CAMKMT: variants seen among roughly 807,000 people sequenced by gnomAD.
CAMKMT encodes calmodulin-lysine N-methyltransferase.
CAMKMT carries 53 observed loss-of-function variants against 48.0 expected under a neutral mutation model. That is an observed-to-expected ratio of 1.10 (90% CI 0.89 to 1.39). The LOEUF (loss-of-function observed/expected upper bound fraction) is 1.39, where lower values mean the gene tolerates loss of function less well. Among genes scored for constraint, CAMKMT ranks in the 40% most tolerant of loss-of-function variants. The pLI is 0.00. For synonymous variants in CAMKMT, 165 were observed against 152.3 expected (o/e 1.08, Z -0.61); for missense variants, 428 against 402.7 (o/e 1.06, Z -0.54).
chr2:44,745,249 A>G (rs1387827273), intron 8 of CAMKMT, among the ~76,000 whole-genome samples: 1 of 152,162 alleles, frequency 6.6e-6, no homozygotes, highest in Admixed American at 6.6e-5. Flanking sequence ...GGAGATTTAG[A>G]GTTAAATTTG....
chr2:44,390,670 C>T (rs933965879), intron 3 of CAMKMT, among the ~76,000 whole-genome samples: 8 of 152,162 alleles, frequency 5.3e-5, no homozygotes, highest in Non-Finnish European at 1.2e-4. Flanking sequence ...TTTCTTCCTT[C>T]TTTGCTTTGT....
In CAMKMT at chr2:44,756,785, C is replaced by A. The variant is rs137870535; in HGVS notation, c.762+2667C>A. Among the ~76,000 whole-genome samples the A allele has an allele frequency of 1.1e-3, 165 of 150,750 alleles. 1 individual carries two copies. The highest frequency in any genetic ancestry group is 3.9e-3 in the African/African-American group (159 of 41,122). On this transcript the variant is annotated intron_variant, in intron 9 of 10. Coordinates refer to ENST00000378494, the MANE Select transcript of CAMKMT (RefSeq NM_024766.5). ...AAAGAAAAAGAAGCCCACAAAGAAACAACACAGGGGCTACATGGTGGATCC... is the reference window on the plus strand; with the variant it reads ...AAAGAAAAAGAAGCCCACAAAGAAAAAACACAGGGGCTACATGGTGGATCC...
At chr2:44,488,980 C>T (rs866677667) in intron 3 of CAMKMT, among the ~76,000 whole-genome samples, 42 of 151,760 alleles carry the variant, frequency 2.8e-4, no homozygotes, top group African/African-American at 8.5e-4. Flanking sequence ...ATCCTCCTGT[C>T]CCCCCGTCCT....
chr2:44,504,733 C>G (rs1225596426), intron 3 of CAMKMT, among the ~76,000 whole-genome samples: 1 of 152,126 alleles, frequency 6.6e-6, no homozygotes, highest in Non-Finnish European at 1.5e-5. Context: ...TCAAAGATCT[C>G]TTAATGTGCT....
At chr2:44,498,686 G>C (rs1465453844) in intron 3 of CAMKMT, among the ~76,000 whole-genome samples, 1 of 152,168 alleles carries the variant, frequency 6.6e-6, no homozygotes, top group African/African-American at 2.4e-5. Context: ...CTGGAAAGCT[G>C]TTCTGTTTGC....
intron 2 of CAMKMT, among the ~76,000 whole-genome samples, chr2:44,384,520 TGC>T (rs1234951517): frequency 3.3e-3 from 478 of 142,748 alleles, no homozygotes; most frequent in Middle Eastern, 0.025. Flanking sequence ...TTTTTTTTTT[TGC>T]ATTTGCTTTT....
chr2:44,389,063 G>C (rs1421351428), intron 2 of CAMKMT, among the ~76,000 whole-genome samples: 1 of 152,126 alleles, frequency 6.6e-6, no homozygotes, highest in Non-Finnish European at 1.5e-5. Flanking sequence ...CGGGGCCCTA[G>C]ACCTCCCAAG....
rs139703889 is a variant in CAMKMT at position 44,399,296 on chromosome 2, C to T, written c.376+8991C>T. ...CAGACAAATAATATTTTGGTTAATC[C>T]TGGACTTTGTTTTTATTTTAATACT... On this transcript the variant is annotated intron_variant, in intron 3 of 10. Transcript: ENST00000378494. 8.3e-4 allele frequency among the ~76,000 whole-genome samples: 126 copies of T among 152,056 alleles called. 1 individual carries two copies. The highest frequency in any genetic ancestry group is 2.9e-3 in the African/African-American group (121 of 41,472).
chr2:44,433,278 A>G (rs1684756937), intron 3 of CAMKMT, among the ~76,000 whole-genome samples: 1 of 152,200 alleles, frequency 6.6e-6, no homozygotes, highest in Admixed American at 6.5e-5. Flanking sequence ...CAAGTAATTG[A>G]TTCAGGTAAG....
chr2:44,496,053 A>G (rs1211299977), intron 3 of CAMKMT, among the ~76,000 whole-genome samples: 1 of 152,200 alleles, frequency 6.6e-6, no homozygotes, highest in Non-Finnish European at 1.5e-5. Flanking sequence ...CCATGGTTGC[A>G]CTAGGCCATA....
At chr2:44,609,463 T>G (rs901584968) in intron 3 of CAMKMT, among the ~76,000 whole-genome samples, 4 of 152,210 alleles carry the variant, frequency 2.6e-5, no homozygotes, top group Non-Finnish European at 5.9e-5. Flanking sequence ...AAAACACTTT[T>G]TAACAGAAAA....
chr2:44,656,456 G>C (rs1674382922), intron 3 of CAMKMT, among the ~76,000 whole-genome samples: 1 of 152,032 alleles, frequency 6.6e-6, no homozygotes, highest in African/African-American at 2.4e-5. Flanking sequence ...GTAAACTCAG[G>C]TACATTACAG....
intron 3 of CAMKMT, among the ~76,000 whole-genome samples, chr2:44,411,950 A>G (rs1427738222): frequency 1.3e-5 from 2 of 149,906 alleles, no homozygotes; most frequent in African/African-American, 4.9e-5. Flanking sequence ...TACATAACCA[A>G]TTAATATGTA....
At chr2:44,706,460 G>A (rs1677566466) in intron 5 of CAMKMT, 119 bp downstream of exon 5, 1 of 934,462 alleles carries the variant, frequency 1.1e-6, no homozygotes, top group South Asian at 1.4e-5. Flanking sequence ...TCAAGCTGCC[G>A]GGTCTTGAGA....
chr2:44,388,743 T>G (rs1471740084), intron 2 of CAMKMT, among the ~76,000 whole-genome samples: 1 of 152,156 alleles, frequency 6.6e-6, no homozygotes, highest in Non-Finnish European at 1.5e-5. Flanking sequence ...GGATGTGGCT[T>G]CCTATGAGCA....
chr2:44,412,460 C>T (rs977026833), intron 3 of CAMKMT, among the ~76,000 whole-genome samples: 5 of 152,048 alleles, frequency 3.3e-5, no homozygotes, highest in African/African-American at 9.7e-5. Context: ...CTCGGCTTCC[C>T]GAGTGGCTGG....
At chr2:44,591,660 C>T (rs1290411508) in intron 3 of CAMKMT, among the ~76,000 whole-genome samples, 1 of 151,708 alleles carries the variant, frequency 6.6e-6, no homozygotes, top group East Asian at 1.9e-4. Flanking sequence ...TGTGGCGATT[C>T]CTCAGGGATC....
intron 3 of CAMKMT, among the ~76,000 whole-genome samples, chr2:44,686,918 A>G (rs1422024097): frequency 1.3e-5 from 2 of 152,250 alleles, no homozygotes; most frequent in South Asian, 2.1e-4. Context: ...TAGCCAAAAC[A>G]TACTGTATCA....
intron 3 of CAMKMT, among the ~76,000 whole-genome samples, chr2:44,405,572 A>C (rs1413216612): frequency 6.6e-6 from 1 of 152,124 alleles, no homozygotes; most frequent in African/African-American, 2.4e-5. Context: ...AAGAAAAATT[A>C]ACTTTATTAA....
Sources: allele counts gnomAD v4.1 joint callset (sites outside exome capture counted in the v4.1 genomes callset), GRCh38; gene constraint gnomAD v4.1.1; transcripts MANE v1.5; gene names NCBI Gene and HGNC (gene_info 2026-07-23, HGNC 2026-07-21).